KAZN: variants seen among roughly 807,000 people sequenced by gnomAD.
KAZN encodes the protein kazrin, periplakin interacting protein.
Under a neutral mutation model 87.4 loss-of-function variants are expected in KAZN, and 40 were observed. The ratio of observed to expected loss-of-function variants is 0.46; its 90% CI spans 0.36 to 0.60. The LOEUF (loss-of-function observed/expected upper bound fraction) is 0.60, where lower values mean the gene tolerates loss of function less well. Among genes scored for constraint, KAZN ranks in the 20% least tolerant of loss-of-function variants. The pLI is 0.00. For synonymous variants in KAZN, 466 were observed against 458.3 expected, an observed-to-expected ratio of 1.02 and a Z score of -0.22; for missense variants, 898 against 1,073.9, an observed-to-expected ratio of 0.84 and a Z score of 2.29.
chr1:14,412,297 T>C (rs1664371767), intron 2 of KAZN, among the ~76,000 whole-genome samples: 2 of 152,242 alleles, frequency 1.3e-5, no homozygotes, highest in African/African-American at 4.8e-5. Context: ...ATATGCTCTA[T>C]GCTTTTATAA....
intron 1 of KAZN, among the ~76,000 whole-genome samples, chr1:14,748,281 C>T (rs535947041): frequency 6.6e-6 from 1 of 152,340 alleles, no homozygotes; most frequent in South Asian, 2.1e-4. Context: ...CCACTTCTCT[C>T]ATCTTTACTG....
At chr1:14,173,652 T>A (rs745909847) in intron 1 of KAZN, among the ~76,000 whole-genome samples, 2 of 147,470 alleles carry the variant, frequency 1.4e-5, no homozygotes, top group South Asian at 2.1e-4. Context: ...GGCTTTGTAG[T>A]TCCCCTCCCC....
At chr1:14,837,340 C>G (rs1425840546) in intron 1 of KAZN, among the ~76,000 whole-genome samples, 1 of 151,804 alleles carries the variant, frequency 6.6e-6, no homozygotes, top group Non-Finnish European at 1.5e-5. Flanking sequence ...GCTGGGATTA[C>G]AGGCAGGCGC....
chr1:14,752,852 A>G (rs1048334520), intron 1 of KAZN, among the ~76,000 whole-genome samples: 1 of 152,198 alleles, frequency 6.6e-6, no homozygotes, highest in Non-Finnish European at 1.5e-5. Flanking sequence ...GTTCAAATCT[A>G]ACAAAACAAA....
rs545890379 is a variant in KAZN at position 14,213,468 on chromosome 1, G to C, written c.249+32876G>C. ...AGTAGGGATTCATGGAGATGTATAG[G>C]GGAGGAGTATCCAAGACAGAGGAGG... On this transcript the variant is annotated intron_variant, in intron 2 of 16. Coordinates refer to the KAZN transcript ENST00000636203. Among the ~76,000 whole-genome samples the C allele has an allele frequency of 2.8e-4, 43 of 152,284 alleles. 1 individual carries two copies. Among genetic ancestry groups the C allele is most frequent in the African/African-American group, 9.9e-4 (41 of 41,546 alleles).
chr1:14,195,511 T>TCACACACACACACACACA (rs55792359), intron 2 of KAZN, among the ~76,000 whole-genome samples: 1 of 146,090 alleles, frequency 6.8e-6, no homozygotes, highest in Non-Finnish European at 1.5e-5. Flanking sequence ...CAAAAACGGC[T>TCACACACACACACACACA]CACACACACA....
At chr1:14,148,719 G>A (rs972846846) in intron 1 of KAZN, among the ~76,000 whole-genome samples, 3 of 152,142 alleles carry the variant, frequency 2.0e-5, no homozygotes, top group African/African-American at 7.2e-5. Context: ...AAAGCAGATG[G>A]GGAATTATGT....
chr1:13,973,382 T>C (rs947580285), intron 1 of KAZN, among the ~76,000 whole-genome samples: 3 of 152,114 alleles, frequency 2.0e-5, no homozygotes, highest in Non-Finnish European at 2.9e-5. Flanking sequence ...CTTTCAGGTG[T>C]CTAGTTGGGC....
At chr1:14,804,464 G>A (rs1335307932) in intron 1 of KAZN, among the ~76,000 whole-genome samples, 3 of 152,122 alleles carry the variant, frequency 2.0e-5, no homozygotes, top group East Asian at 3.9e-4. Flanking sequence ...GGGCTAACTC[G>A]GGCCCAGTGG....
intron 1 of KAZN, among the ~76,000 whole-genome samples, chr1:14,108,678 C>T (rs992313660): frequency 5.3e-5 from 8 of 152,142 alleles, no homozygotes; most frequent in Admixed American, 1.3e-4. Context: ...TTACGTATCC[C>T]CAAAGTGACC....
At chr1:14,922,689 G>A (rs571226119) in intron 1 of KAZN, among the ~76,000 whole-genome samples, 1 of 152,032 alleles carries the variant, frequency 6.6e-6, no homozygotes, top group South Asian at 2.1e-4. Context: ...CTACTCAGGA[G>A]GCTGAGGCAG....
chr1:14,501,926 A>G (rs1489361096), intron 2 of KAZN, among the ~76,000 whole-genome samples: 1 of 152,210 alleles, frequency 6.6e-6, no homozygotes, highest in Non-Finnish European at 1.5e-5. Context: ...AAATCAATAG[A>G]AACAGCAGAT....
chr1:14,235,881 C>G (rs528687848), intron 2 of KAZN, among the ~76,000 whole-genome samples: 1 of 152,242 alleles, frequency 6.6e-6, no homozygotes, highest in African/African-American at 2.4e-5. Flanking sequence ...TCTCCACGGT[C>G]TTGTACAGGC....
At chr1:14,985,615 C>T (rs1332984609) in intron 2 of KAZN, among the ~76,000 whole-genome samples, 2 of 152,174 alleles carry the variant, frequency 1.3e-5, no homozygotes, top group Non-Finnish European at 2.9e-5. Context: ...TATGGGCTTC[C>T]TGATGTGATG....
chr1:14,902,458 G>T (rs1336899936), intron 1 of KAZN, among the ~76,000 whole-genome samples: 2 of 152,096 alleles, frequency 1.3e-5, no homozygotes, highest in Non-Finnish European at 2.9e-5. Flanking sequence ...TTGATCTCCT[G>T]ACCTCGTGAT....
At chr1:14,698,641 T>G (rs764876239) in intron 1 of KAZN, among the ~76,000 whole-genome samples, 5 of 152,236 alleles carry the variant, frequency 3.3e-5, no homozygotes, top group South Asian at 2.1e-4. Flanking sequence ...TGAAAGCACT[T>G]AGCATGAGCT....
intron 2 of KAZN, among the ~76,000 whole-genome samples, chr1:14,299,454 G>A (rs1221971978): frequency 6.6e-6 from 1 of 151,488 alleles, no homozygotes; most frequent in Non-Finnish European, 1.5e-5. Flanking sequence ...AGTGAGCCGA[G>A]ATCACACCAC....
chr1:13,937,516 G>A (rs1237327250), intron 1 of KAZN, among the ~76,000 whole-genome samples: 3 of 152,174 alleles, frequency 2.0e-5, no homozygotes, highest in African/African-American at 7.2e-5. Context: ...CTATGCAGAA[G>A]CTTTTAGTTT....
At chr1:14,271,959 G>A (rs559131406) in intron 2 of KAZN, among the ~76,000 whole-genome samples, 62 of 152,310 alleles carry the variant, frequency 4.1e-4, no homozygotes, top group South Asian at 1.7e-3. Context: ...AAGCCTCAGC[G>A]TGCTCATTTG....
Sources: gnomAD v4.1 joint callset for allele counts (sites outside exome capture counted in the v4.1 genomes callset) on GRCh38, gnomAD v4.1.1 for gene constraint, MANE v1.5 for transcripts, NCBI Gene and HGNC (gene_info 2026-07-23, HGNC 2026-07-21) for gene names.